WRN: variants seen among roughly 807,000 people sequenced by gnomAD.
WRN encodes the protein WRN RecQ like helicase, also known as bifunctional 3'-5' exonuclease/ATP-dependent helicase WRN.
A neutral mutation model predicts 180.7 loss-of-function variants in WRN; 149 were observed. The ratio of observed to expected loss-of-function variants is 0.82; its 90% CI spans 0.72 to 0.94. The LOEUF (loss-of-function observed/expected upper bound fraction) is 0.94, where lower values mean the gene tolerates loss of function less well. Ranked by LOEUF, WRN falls within the 40% of genes least tolerant of loss-of-function variation. WRN has a pLI of 0.00. For missense variants in WRN, 1,661 were observed against 1,700.1 expected (o/e 0.98, Z 0.40); for synonymous variants, 548 against 568.9 (o/e 0.96, Z 0.52).
In WRN at chr8:31,064,181, T is replaced by C. The variant is rs551533634; in HGVS notation, c.210-108T>C. On this transcript the variant is annotated intron_variant, in intron 3 of 34. Coordinates refer to ENST00000298139, the MANE Select transcript of WRN (RefSeq NM_000553.6). The stretch of plus-strand genomic sequence containing the variant: ...CATTGTCAGTTGTATGTGCTCCAGA[T>C]AACTTGAACAGTCTGTGGTTGCCTT... 7 of 1,252,482 alleles carry C rather than the reference T, an allele frequency of 5.6e-6. No homozygotes were observed. The African/African-American group carries it at 9.1e-5, about 16-fold the overall frequency. 77.6% of individuals were successfully genotyped at this position (1,252,482 alleles called of 1,614,324 possible).
At chr8:31,117,107 C>T (rs1291474499) in intron 20 of WRN, among the ~76,000 whole-genome samples, 1 of 152,164 alleles carries the variant, frequency 6.6e-6, no homozygotes, top group Non-Finnish European at 1.5e-5. Flanking sequence ...GGCTTGGTAT[C>T]ATATACCTGT....
rs375083881 is a variant in WRN, at chr8:31,081,308, A to G, written c.1269+12A>G. 1 of 1,612,740 alleles carries G rather than the reference A, an allele frequency of 6.2e-7. No individual in the cohort carries two copies. Among genetic ancestry groups the G allele is most frequent in the South Asian group, 1.1e-5 (1 of 90,954 alleles). Reference sequence around the variant, plus strand: ...ATAAATCTACTGAGGTACTAAATAAAGAGGAAGCACATTTTTAGTTATTAG... The same window carrying G: ...ATAAATCTACTGAGGTACTAAATAAGGAGGAAGCACATTTTTAGTTATTAG... On this transcript the variant is annotated intron_variant, in intron 9 of 34. Transcript: ENST00000298139.
Position 31,139,815 on chromosome 8 carries a change from A to G in WRN, c.2968-1615A>G, listed in dbSNP as rs1385547992. On this transcript the variant is annotated intron_variant, in intron 24 of 34. Transcript: ENST00000298139. The stretch of plus-strand genomic sequence containing the variant: ...CTGCTTATACCTGTCATGCAAATAT[A>G]CAGAACCCAGAACCCTAGCTGAAAG... Among the ~76,000 whole-genome samples, 5 of 152,252 alleles carry G rather than the reference A, an allele frequency of 3.3e-5. No individual in the cohort carries two copies. The East Asian group carries it at 5.8e-4, about 18-fold the overall frequency.
chr8:31,100,709 T>C lies in WRN; in HGVS notation c.1982-140T>C, dbSNP rs188583667. On this transcript the variant is annotated intron_variant, in intron 17 of 34. Coordinates refer to ENST00000298139, the MANE Select transcript of WRN (RefSeq NM_000553.6). ...TTCCAATAATGATTTTTGGTGTTAA[T>C]ATGATGATATTTATGCTTCTGTTTT... is the stretch of plus-strand genomic sequence containing the variant. 26 of 686,452 alleles carry C rather than the reference T, an allele frequency of 3.8e-5. No homozygotes were observed. The African/African-American group carries it at 4.5e-4, about 12-fold the overall frequency. The allele number at this position is 686,452 out of a possible 1,614,324, so 42.5% of individuals were successfully genotyped here.
intron 18 of WRN, among the ~76,000 whole-genome samples, chr8:31,106,336 A>T (rs1801095318): frequency 6.6e-6 from 1 of 151,980 alleles, no homozygotes; most frequent in African/African-American, 2.4e-5. Context: ...ATGAAGTCTG[A>T]TAGATCATGT....
chr8:31,088,824 CTG>C (rs1286961367), intron 12 of WRN, 64 bp from the exon 13 acceptor site: 1 of 1,324,804 alleles, frequency 7.5e-7, no homozygotes, highest in Non-Finnish European at 1.1e-6. Flanking sequence ...ATGAAATAAA[CTG>C]TTTTCTCCCT....
At chr8:31,166,843 C>T (rs775535025) in intron 33 of WRN, among the ~76,000 whole-genome samples, 179 bp from the exon 34 acceptor site, 11 of 152,008 alleles carry the variant, frequency 7.2e-5, no homozygotes, top group African/African-American at 1.2e-4. Flanking sequence ...AGGTGATACC[C>T]GAGTGGAGTT....
intron 19 of WRN, 114 bp from the exon 20 acceptor site, chr8:31,116,240 C>T (rs1801510680): frequency 1.8e-6 from 2 of 1,091,438 alleles, no homozygotes; most frequent in Admixed American, 2.4e-5. Context: ...GGCTTTCTTC[C>T]TTTAGTCTTT....
chr8:31,165,423 A>C (rs1563392363), intron 33 of WRN, among the ~76,000 whole-genome samples: 1 of 152,106 alleles, frequency 6.6e-6, no homozygotes, highest in Non-Finnish European at 1.5e-5. Context: ...TGTGAGCTAC[A>C]TATGCAATTT....
chr8:31,057,442 G>A (rs1014171379), intron 1 of WRN, among the ~76,000 whole-genome samples: 2 of 152,042 alleles, frequency 1.3e-5, no homozygotes, highest in Non-Finnish European at 2.9e-5. Context: ...TTGGTGGCGG[G>A]CGCCTGTAGT....
intron 17 of WRN, among the ~76,000 whole-genome samples, chr8:31,099,648 T>A (rs1489988122): frequency 6.6e-6 from 1 of 151,892 alleles, no homozygotes; most frequent in Non-Finnish European, 1.5e-5. Context: ...TAATTGTTTA[T>A]TTGCATGTCT....
chr8:31,167,963 T>C (rs1585551167), intron 34 of WRN, among the ~76,000 whole-genome samples: 1 of 152,136 alleles, frequency 6.6e-6, no homozygotes. Flanking sequence ...CAATTCTTAG[T>C]TGGTAAATTC....
intron 21 of WRN, among the ~76,000 whole-genome samples, chr8:31,122,686 T>TA (rs1801766995): frequency 6.6e-6 from 1 of 151,938 alleles, no homozygotes; most frequent in Non-Finnish European, 1.5e-5. Flanking sequence ...ATACTGGACT[T>TA]ATTTTTGTAG....
intron 17 of WRN, among the ~76,000 whole-genome samples, chr8:31,098,641 T>G (rs1814088171): frequency 1.3e-5 from 2 of 152,216 alleles, no homozygotes; most frequent in African/African-American, 2.4e-5. Flanking sequence ...ACGCAGGATA[T>G]TATTTGTACA....
chr8:31,101,931 T>TAA (rs544146921), intron 18 of WRN, among the ~76,000 whole-genome samples: 8,729 of 147,930 alleles, frequency 0.059, 880 homozygotes, highest in African/African-American at 0.2. Flanking sequence ...CAAGAAGTTG[T>TAA]AAAAAAAAAA....
chr8:31,158,121 A>G (rs1472064180), intron 33 of WRN, among the ~76,000 whole-genome samples: 2 of 152,034 alleles, frequency 1.3e-5, no homozygotes, highest in African/African-American at 2.4e-5. Flanking sequence ...TCTAATTTCT[A>G]TCTCATCACT....
intron 33 of WRN, among the ~76,000 whole-genome samples, chr8:31,160,705 C>G (rs1383513860): frequency 1.3e-5 from 2 of 152,208 alleles, no homozygotes; most frequent in Non-Finnish European, 2.9e-5. Flanking sequence ...TTTGTGCAGG[C>G]TGGGCACAGT....
At chr8:31,102,697 T>C (rs1393520936) in intron 18 of WRN, among the ~76,000 whole-genome samples, 1 of 152,184 alleles carries the variant, frequency 6.6e-6, no homozygotes, top group Non-Finnish European at 1.5e-5. Flanking sequence ...GACTGGAAGT[T>C]GCTCTGAGTG....
At chr8:31,130,081 T>C (rs1419316323) in intron 23 of WRN, among the ~76,000 whole-genome samples, 1 of 150,924 alleles carries the variant, frequency 6.6e-6, no homozygotes, top group Non-Finnish European at 1.5e-5. Flanking sequence ...TCTAGCTCTT[T>C]GGGAGACTGA....
Sources: allele counts gnomAD v4.1 joint callset (sites outside exome capture counted in the v4.1 genomes callset), GRCh38; gene constraint gnomAD v4.1.1; transcripts MANE v1.5; gene names NCBI Gene and HGNC (gene_info 2026-07-23, HGNC 2026-07-21).